The following AMZ1 variants were observed in gnomAD, a reference collection of about 807,000 sequenced individuals.
AMZ1 encodes the protein archaelysin family metallopeptidase 1.
AMZ1 carries 39 observed loss-of-function variants against 29.9 expected under a neutral mutation model. The ratio of observed to expected loss-of-function variants is 1.30; its 90% CI spans 1.01 to 1.70. The LOEUF is 1.70. Ranked by LOEUF, AMZ1 falls within the 40% of genes most tolerant of loss-of-function variation. The pLI, the probability that AMZ1 is intolerant of heterozygous loss-of-function variation, is 0.00. For synonymous variants in AMZ1, 458 were observed against 304.0 expected, an observed-to-expected ratio of 1.51 and a Z score of -5.27; for missense variants, 1,041 against 680.6, an observed-to-expected ratio of 1.53 and a Z score of -5.89.
rs1221603701 is a variant in AMZ1 at position 2,718,223 on chromosome 7, G to C, written c.*5345G>C. Among the ~76,000 whole-genome samples, 1 of 152,204 alleles carries C rather than the reference G, an allele frequency of 6.6e-6. No homozygotes were observed. Among genetic ancestry groups the C allele is most frequent in the Non-Finnish European group, 1.5e-5 (1 of 68,020 alleles). On this transcript the variant is annotated 3_prime_UTR_variant, in exon 7 of 7. Transcript: ENST00000683327. ...ATGGAGTCACGTGGCTCCACCCTGG[G>C]GCTCCTCTGATGCCGAGAGCTCTGG... is the stretch of plus-strand genomic sequence containing the variant.
intron 4 of AMZ1, among the ~76,000 whole-genome samples, chr7:2,737,274 G>GTTTTTTTTTTTTGTT: frequency 2.9e-5 from 1 of 35,046 alleles, no homozygotes; most frequent in East Asian, 8.3e-4. Context: ...GTTTTGTTTT[G>GTTTTTTTTTTTTGTT]TTTTTTTTTT....
At chr7:2,704,989 A>G (rs1788270508) in intron 3 of AMZ1, among the ~76,000 whole-genome samples, 1 of 152,180 alleles carries the variant, frequency 6.6e-6, no homozygotes, top group Non-Finnish European at 1.5e-5. Context: ...CGTCTGTCCG[A>G]TGATTACACT....
Position 2,702,837 on chromosome 7 carries a change from C to G in AMZ1, c.420C>G (p.Ile140Met). 1 of 1,578,826 alleles carries G rather than the reference C, an allele frequency of 6.3e-7. No individual in the cohort carries two copies. Residue 140 changes from isoleucine (I) to methionine (M), a missense_variant, in exon 3 of 7, where the codon ATC (isoleucine) becomes ATG (methionine). Physicochemically the swap from Ile to Met is conservative, Grantham distance 10. Transcript: ENST00000683327. Reference sequence around the variant, plus strand: ...TGCCGTCGGTGGCAGCCGCGTCCATCCGCTGCTCCTCGCGGCCCAGCCGGG... The same window carrying G: ...TGCCGTCGGTGGCAGCCGCGTCCATGCGCTGCTCCTCGCGGCCCAGCCGGG... ...KCLPSVAAAS[I>M]RCSSRPSRDS... is the part of the protein sequence containing the mutation.
intron 4 of AMZ1, among the ~76,000 whole-genome samples, chr7:2,756,716 C>A (rs1379738444): frequency 6.6e-6 from 1 of 152,188 alleles, no homozygotes; most frequent in Non-Finnish European, 1.5e-5. Context: ...TGACAGACGC[C>A]CCTGTCTTTC....
chr7:2,758,241 T>C (rs532479900), intron 4 of AMZ1, among the ~76,000 whole-genome samples: 108 of 152,226 alleles, frequency 7.1e-4, no homozygotes, highest in Non-Finnish European at 1.3e-3. Flanking sequence ...AACAAGGCTT[T>C]AGGGCCGGGT....
rs761641656 is a variant in AMZ1, at chr7:2,702,860, G to T, written c.443G>T (p.Arg148Leu). The T allele has an allele frequency of 1.3e-6, 2 of 1,587,842 alleles. No individual in the cohort carries two copies. Among genetic ancestry groups the T allele is most frequent in the East Asian group, 2.3e-5 (1 of 43,894 alleles). The change falls in exon 3 of 7, where the codon CGG becomes CTG. Residue 148 changes from arginine to leucine, a missense_variant. By Grantham distance (102) the Arg-to-Leu change is moderately radical (BLOSUM62 -2). Transcript: ENST00000683327. ...ASIRCSSRPS[R>L]DSDRLQLHTD... ...ATCCGCTGCTCCTCGCGGCCCAGCC[G>T]GGACTCTGACAGGCTCCAGCTCCAC...
rs562702445 is a variant in AMZ1, at chr7:2,692,456, C to T, written c.-219+4160C>T. On this transcript the variant is annotated intron_variant, in intron 1 of 6. Transcript: ENST00000683327. ...ATTCGGGAGGCTGAGGCAGGAGAAT[C>T]GCTTTAACCCGGGAAGCGGAGGTTG... 7.9e-5 allele frequency among the ~76,000 whole-genome samples: 12 copies of T among 152,222 alleles called. 1 individual carries two copies. In the South Asian group the frequency reaches 2.5e-3, roughly 32 times the overall value.
At chr7:2,740,568 T>C (rs1790448381) in intron 4 of AMZ1, among the ~76,000 whole-genome samples, 1 of 152,226 alleles carries the variant, frequency 6.6e-6, no homozygotes, top group South Asian at 2.1e-4. Flanking sequence ...TATTTTGTTA[T>C]GGCAGCTTGA....
At chr7:2,754,576 C>A (rs1003726608) in intron 4 of AMZ1, among the ~76,000 whole-genome samples, 2 of 136,640 alleles carry the variant, frequency 1.5e-5, no homozygotes, top group African/African-American at 2.7e-5. Flanking sequence ...GACCTCATCT[C>A]TACTTTAAAA....
intron 4 of AMZ1, among the ~76,000 whole-genome samples, chr7:2,749,266 G>A (rs1278577058): frequency 6.6e-6 from 1 of 152,146 alleles, no homozygotes; most frequent in East Asian, 1.9e-4. Flanking sequence ...CAACCCAAAT[G>A]TCCAACAATG....
intron 4 of AMZ1, among the ~76,000 whole-genome samples, chr7:2,743,171 C>T (rs1175507103): frequency 1.3e-5 from 2 of 152,118 alleles, no homozygotes; most frequent in African/African-American, 4.8e-5. Context: ...CCTGGCTGGC[C>T]CCTGAACCGT....
At chr7:2,757,926 A>T (rs1265619866) in intron 4 of AMZ1, among the ~76,000 whole-genome samples, 1 of 152,182 alleles carries the variant, frequency 6.6e-6, no homozygotes, top group African/African-American at 2.4e-5. Context: ...CGCTGTCCCC[A>T]CATCAGAATA....
At chr7:2,704,614 T>TTTA (rs1562368004) in intron 3 of AMZ1, among the ~76,000 whole-genome samples, 1 of 112,556 alleles carries the variant, frequency 8.9e-6, no homozygotes, top group Non-Finnish European at 2.0e-5. Context: ...TTTTTTTTTT[T>TTTA]AAGACGGAGT....
At chr7:2,737,276 T>C (rs1183387378) in intron 4 of AMZ1, among the ~76,000 whole-genome samples, 1 of 53,328 alleles carries the variant, frequency 1.9e-5, no homozygotes, top group Non-Finnish European at 4.3e-5. Flanking sequence ...TTTGTTTTGT[T>C]TTTTTTTTTT....
downstream of AMZ1, among the ~76,000 whole-genome samples, chr7:2,720,510 TCTC>T (rs549208370): frequency 3.9e-4 from 60 of 152,136 alleles, no homozygotes; most frequent in South Asian, 8.5e-3. Flanking sequence ...TTCAAACGAT[TCTC>T]CTGTCTCAGC....
At chr7:2,749,573 A>C (rs1459336396) in intron 4 of AMZ1, among the ~76,000 whole-genome samples, 1 of 152,080 alleles carries the variant, frequency 6.6e-6, no homozygotes. Flanking sequence ...ATGACGAGTT[A>C]ATGGGTGCAG....
intron 1 of AMZ1, among the ~76,000 whole-genome samples, chr7:2,688,933 G>A (rs1045348777): frequency 6.6e-6 from 1 of 152,366 alleles, no homozygotes. Flanking sequence ...CAGGGACCTG[G>A]GTCCTTTCTG....
rs960960517 is a variant in AMZ1 at position 2,719,370 on chromosome 7, C to T, written c.*6492C>T. On this transcript the variant is annotated 3_prime_UTR_variant, in exon 7 of 7. Transcript: ENST00000683327. ...AATGCCTAAAGAGGGCAAAGGCCCG[C>T]GCGCCTGGCAGAGCTCCCTCCTCTG... Among the ~76,000 whole-genome samples, 17 of 152,226 alleles carry T rather than the reference C, an allele frequency of 1.1e-4. No individual in the cohort carries two copies. The highest frequency in any genetic ancestry group is 3.4e-4 in the African/African-American group (14 of 41,468).
downstream of AMZ1, among the ~76,000 whole-genome samples, chr7:2,720,742 T>C (rs981591085): frequency 1.3e-5 from 2 of 152,074 alleles, no homozygotes. Context: ...GGTCTTGCTA[T>C]GTTGCCCAGG....
Sources: gnomAD v4.1 joint callset for allele counts (sites outside exome capture counted in the v4.1 genomes callset) on GRCh38, gnomAD v4.1.1 for gene constraint, MANE v1.5 for transcripts, NCBI Gene and HGNC (gene_info 2026-07-23, HGNC 2026-07-21) for gene names.